Variants in SHH observed in about 807,000 individuals in gnomAD.
SHH encodes the protein sonic hedgehog protein.
A neutral mutation model predicts 16.6 loss-of-function variants in SHH; 3 were observed. That is an observed-to-expected ratio of 0.18 (90% confidence interval 0.08 to 0.47). The LOEUF is 0.47. SHH is among the 20% of genes least tolerant of loss of function. SHH has a pLI of 0.98. For missense variants in SHH, 499 were observed against 665.0 expected, an observed-to-expected ratio of 0.75 and a Z score of 2.75; for synonymous variants, 351 against 316.2, an observed-to-expected ratio of 1.11 and a Z score of -1.17.
chr7:155,802,731 C>T lies in SHH; in HGVS notation c.*169G>A, dbSNP rs572167978. On this transcript the variant is annotated 3_prime_UTR_variant, in exon 3 of 3. Coordinates refer to ENST00000297261, the MANE Select transcript of SHH (RefSeq NM_000193.4). ...AACTAAGCACAACAACAAAACTTCC[C>T]GGGGTCCTTGTTTCCTTAGAGTCTA... 65 of 429,674 alleles carry T rather than the reference C, an allele frequency of 1.5e-4. No homozygotes were observed. Among genetic ancestry groups the T allele is most frequent in the African/African-American group, 1.2e-3 (60 of 49,288 alleles). The allele number at this position is 429,674 out of a possible 1,614,324, so 26.6% of individuals were successfully genotyped here.
chr7:155,811,084 CCCCT>C (rs1803512649), intron 1 of SHH, among the ~76,000 whole-genome samples: 2 of 152,368 alleles, frequency 1.3e-5, no homozygotes, highest in East Asian at 3.9e-4. Flanking sequence ...CTAAGTCCCT[CCCCT>C]AAGGTACCTC....
chr7:155,804,800 G>A (rs931682507), intron 2 of SHH, among the ~76,000 whole-genome samples: 4 of 151,380 alleles, frequency 2.6e-5, no homozygotes, highest in Admixed American at 2.6e-4. Context: ...GGAGGGCGGG[G>A]AGGGCCGTCT....
In SHH at chr7:155,807,705, G is replaced by A. The variant is rs1803402821; in HGVS notation, c.301-1148C>T. 6.6e-6 allele frequency among the ~76,000 whole-genome samples: 1 copy of A among 152,212 alleles called. No individual in the cohort carries two copies. Among genetic ancestry groups the A allele is most frequent in the African/African-American group, 2.4e-5 (1 of 41,450 alleles). ...GACTTGCTTCCTGGATGTTTACCCT[G>A]CTGCTGCTGGTGGGACATGGGATTT... On this transcript the variant is annotated intron_variant, in intron 1 of 2. Coordinates refer to ENST00000297261, the MANE Select transcript of SHH (RefSeq NM_000193.4). The surrounding 1 kb of genome is among the most constrained non-coding windows in gnomAD (Gnocchi z 7.1).
At position 155,802,860 on chromosome 7, in the gene SHH, G is replaced by GGCCCCC; in HGVS notation, c.*39_*40insGGGGGC. 11 of 313,078 alleles carry GGCCCCC rather than the reference G, an allele frequency of 3.5e-5. No individual in the cohort carries two copies. The highest frequency in any genetic ancestry group is 5.5e-5 in the Non-Finnish European group (10 of 180,420). 19.4% of individuals were successfully genotyped at this position (313,078 alleles called of 1,614,324 possible). ...TGCTTTGCGTTGCTGTTGCTGCCCC[G>GGCCCCC]CCCCGCCCCCTCCCGCGCCCCTCCC... On this transcript the variant is annotated 3_prime_UTR_variant, in exon 3 of 3. Transcript: ENST00000297261.
chr7:155,806,233 A>C, intron 2 of SHH, 63 bp downstream of exon 2: 1 of 1,607,126 alleles, frequency 6.2e-7, no homozygotes. Flanking sequence ...TTTCTCTTGA[A>C]TCAAGCCGAG....
intron 1 of SHH, 46 bp downstream of exon 1, chr7:155,811,777 C>T: frequency 1.3e-6 from 2 of 1,579,194 alleles, no homozygotes; most frequent in Non-Finnish European, 1.7e-6. Context: ...CTTCTCGTAA[C>T]CCCCTGGAAA....
chr7:155,811,429 G>A (rs1803520778), intron 1 of SHH, among the ~76,000 whole-genome samples: 1 of 152,200 alleles, frequency 6.6e-6, no homozygotes, highest in African/African-American at 2.4e-5. Flanking sequence ...TCATGTTTGT[G>A]GGAGGGGGAT....
At chr7:155,804,179 G>C (rs1803285740) in intron 2 of SHH, among the ~76,000 whole-genome samples, 1 of 151,576 alleles carries the variant, frequency 6.6e-6, no homozygotes, top group South Asian at 2.1e-4. Flanking sequence ...CGCGGGGCGC[G>C]GCGCCTGCTC....
Position 155,803,121 on chromosome 7 carries a change from G to T in SHH, c.1168C>A (p.Leu390Met). 7.2e-7 allele frequency: 1 copy of T among 1,381,880 alleles called. No individual in the cohort carries two copies. The highest frequency in any genetic ancestry group is 9.4e-7 in the Non-Finnish European group (1 of 1,066,370). 85.6% of individuals were successfully genotyped at this position (1,381,880 alleles called of 1,614,324 possible). A position where few individuals can be genotyped will look rare whatever the true frequency, so the allele number is the denominator to read the frequency against. Residue 390 changes from leucine to methionine, a missense_variant, in exon 3 of 3, where the codon CTG becomes ATG. By Grantham distance (15) the Leu-to-Met change is conservative. This residue lies in a region of SHH where 299 missense variants were observed against 301.1 expected (regional missense o/e 0.99). Transcript: ENST00000297261. ...FRLAHALLAA[L>M]APARTDRGGD... ...CCGCGGTCCGTGCGCGCGGGCGCCA[G>T]TGCAGCCAGGAGCGCGTGCGCCAGG...
At chr7:155,811,288 CTT>C (rs1405170757) in intron 1 of SHH, among the ~76,000 whole-genome samples, 1 of 152,118 alleles carries the variant, frequency 6.6e-6, no homozygotes, top group Non-Finnish European at 1.5e-5. Context: ...GTTGAGAATT[CTT>C]TGGTGGGGAG....
Position 155,803,689 on chromosome 7 carries a change from C to T in SHH, c.600G>A (p.Pro200=), listed in dbSNP as rs1161764266. 1.3e-6 allele frequency: 2 copies of T among 1,597,676 alleles called. No individual in the cohort carries two copies. Among genetic ancestry groups the T allele is most frequent in the Non-Finnish European group, 1.7e-6 (2 of 1,179,374 alleles). The change falls in exon 3 of 3, where the codon CCG becomes CCA. Residue 200 remains proline, a synonymous_variant. Transcript: ENST00000297261. ...GCTCCAGGTGCACCGTGGCCGAGCC[C>T]GGGAAGCAGCCTCCCGATTTGGCCG... ...SVAAKSGGCF[P]GSATVHLEQG...
rs1803365368 is a variant in SHH, at chr7:155,806,471, G to A, written c.387C>T (p.Asp129=). The part of the protein sequence containing the change: ...GVKLRVTEGW[D]EDGHHSEESL... ...ACTCCTCTGAGTGGTGGCCATCTTCGTCCCAGCCCTCGGTCACCCGCAGTT... is the reference window on the plus strand; with the variant it reads ...ACTCCTCTGAGTGGTGGCCATCTTCATCCCAGCCCTCGGTCACCCGCAGTT... Residue 129 remains aspartate, a synonymous_variant, in exon 2 of 3, where the codon GAC becomes GAT. Transcript: ENST00000297261. The A allele has an allele frequency of 6.2e-7, 1 of 1,613,672 alleles. No homozygotes were observed.
Position 155,807,714 on chromosome 7 carries a change from G to A in SHH, c.301-1157C>T, listed in dbSNP as rs1803402949. ...CCTGGATGTTTACCCTGCTGCTGCT[G>A]GTGGGACATGGGATTTAAAGAGGGG... On this transcript the variant is annotated intron_variant, in intron 1 of 2. Coordinates refer to ENST00000297261, the MANE Select transcript of SHH (RefSeq NM_000193.4). This position sits in a 1 kb window ranked among gnomAD's most constrained non-coding sequence, Gnocchi z 7.1. Among the ~76,000 whole-genome samples, 1 of 152,214 alleles carries A rather than the reference G, an allele frequency of 6.6e-6. No homozygotes were observed. The highest frequency in any genetic ancestry group is 6.5e-5 in the Admixed American group (1 of 15,292).
At position 155,802,962 on chromosome 7, in the gene SHH, C is replaced by A. The variant is rs768839902; in HGVS notation, c.1327G>T (p.Gly443Cys). 1 of 1,554,138 alleles carries A rather than the reference C, an allele frequency of 6.4e-7. No individual in the cohort carries two copies. Among genetic ancestry groups the A allele is most frequent in the Non-Finnish European group, 8.7e-7 (1 of 1,150,096 alleles). Residue 443 changes from glycine to cysteine, a missense_variant, in exon 3 of 3, where the codon GGC becomes TGC. Around this residue, in one of 4 missense-constraint regions of SHH, gnomAD observed 299 missense variants for 301.1 expected, o/e 0.99. Transcript: ENST00000297261. The stretch of plus-strand genomic sequence containing the variant: ...GCCTCGCTGTCCAGGAGCCAGGTGC[C>A]TATTTGGTAGAGCAGCTGCGAGTAC... ...HWYSQLLYQI[G>C]TWLLDSEALH... is the part of the protein sequence containing the mutation.
At position 155,808,254 on chromosome 7, in the gene SHH, C is replaced by G. The variant is rs9333609; in HGVS notation, c.301-1697G>C. ...TGAAAATCAATCAGTAAACCAGGGT[C>G]AGTGTAGAGCTATGATGTGAGGCCC... On this transcript the variant is annotated intron_variant, in intron 1 of 2. Transcript: ENST00000297261. Among the ~76,000 whole-genome samples the G allele has an allele frequency of 4.1e-3, 624 of 152,338 alleles. 5 individuals are homozygous for G. The highest frequency in any genetic ancestry group is 7.0e-3 in the Non-Finnish European group (477 of 68,032).
At position 155,803,332 on chromosome 7, in the gene SHH, G is replaced by A. The variant is rs753122979; in HGVS notation, c.957C>T (p.Ala319=). ...GGAGCCGGCGGTCCCCGTCACGCTC[G>A]GCCACCACGTACACGCGCTGGCCCG... ...VRPGQRVYVV[A]ERDGDRRLLP... is the part of the protein sequence containing the mutation. The change falls in exon 3 of 3, where the codon GCC becomes GCT. Residue 319 remains alanine (A), a synonymous_variant. Transcript: ENST00000297261. The A allele has an allele frequency of 8.8e-6, 13 of 1,473,764 alleles. No homozygotes were observed. The African/African-American group carries it at 1.5e-4, about 17-fold the overall frequency. 91.3% of individuals were successfully genotyped at this position (1,473,764 alleles called of 1,614,324 possible). A position where few individuals can be genotyped will look rare whatever the true frequency, so the allele number is the denominator to read the frequency against.
At chr7:155,808,179 G>T (rs1803415500) in intron 1 of SHH, among the ~76,000 whole-genome samples, 1 of 152,202 alleles carries the variant, frequency 6.6e-6, no homozygotes, top group South Asian at 2.1e-4. Context: ...AAAAAAGTCG[G>T]AAGGGCAGAG....
intron 1 of SHH, among the ~76,000 whole-genome samples, chr7:155,810,613 C>G (rs1007325192): frequency 6.6e-6 from 1 of 152,230 alleles, no homozygotes; most frequent in African/African-American, 2.4e-5. Flanking sequence ...ATTCCTCTCC[C>G]TTCCGACAGC....
At position 155,809,241 on chromosome 7, in the gene SHH, G is replaced by A. The variant is rs1803448504; in HGVS notation, c.300+2582C>T. Among the ~76,000 whole-genome samples the A allele has an allele frequency of 6.6e-6, 1 of 152,204 alleles. No individual in the cohort carries two copies. The highest frequency in any genetic ancestry group is 2.4e-5 in the African/African-American group (1 of 41,450). ...GAACTGCTCCGAAAGTTCCACTGGG[G>A]ACGATCTCGCCATGGTTGAGGGACT... On this transcript the variant is annotated intron_variant, in intron 1 of 2. Transcript: ENST00000297261. The surrounding 1 kb of genome is among the most constrained non-coding windows in gnomAD (Gnocchi z 6.1).
Sources: gnomAD v4.1 joint callset for allele counts (sites outside exome capture counted in the v4.1 genomes callset) on GRCh38, gnomAD v4.1.1 for gene constraint, gnomAD v4.1.1 regional missense constraint, Gnocchi (gnomAD v3.1) non-coding constraint, MANE v1.5 for transcripts, NCBI Gene and HGNC (gene_info 2026-07-23, HGNC 2026-07-21) for gene names.